Variants in PLGRKT observed in about 807,000 individuals in gnomAD.
The protein encoded by PLGRKT is plasminogen receptor (KT).
A neutral mutation model predicts 18.5 loss-of-function variants in PLGRKT; 22 were observed. The ratio of observed to expected loss-of-function variants is 1.19; its 90% CI spans 0.85 to 1.70. PLGRKT has a LOEUF of 1.70. Among genes scored for constraint, PLGRKT ranks in the 40% most tolerant of loss-of-function variants. The pLI, the probability that PLGRKT is intolerant of heterozygous loss-of-function variation, is 0.00. For synonymous variants in PLGRKT, 72 were observed against 52.8 expected (o/e 1.36, Z -1.58); for missense variants, 235 against 174.4 (o/e 1.35, Z -1.96).
At chr9:5,414,375 G>C (rs959517829) in intron 3 of PLGRKT, among the ~76,000 whole-genome samples, 2 of 152,100 alleles carry the variant, frequency 1.3e-5, no homozygotes, top group Non-Finnish European at 2.9e-5. Flanking sequence ...ACCATGTTGG[G>C]CAGGCTGGTC....
intron 3 of PLGRKT, among the ~76,000 whole-genome samples, chr9:5,408,381 G>A (rs1818295776): frequency 2.0e-5 from 3 of 152,170 alleles, no homozygotes; most frequent in Admixed American, 6.5e-5. Flanking sequence ...AAAGAGCCTG[G>A]CTGCACTGTG....
chr9:5,425,770 A>T (rs775926546), intron 3 of PLGRKT, among the ~76,000 whole-genome samples: 1 of 152,194 alleles, frequency 6.6e-6, no homozygotes, highest in Non-Finnish European at 1.5e-5. Flanking sequence ...ATGGGGTTGA[A>T]TCATGAGTGG....
At chr9:5,431,840 G>T (rs1818832516) in intron 3 of PLGRKT, 57 bp downstream of exon 3, 6 of 818,090 alleles carry the variant, frequency 7.3e-6, no homozygotes, top group South Asian at 5.7e-5. Context: ...TGGAGTACAT[G>T]TGGTAGAAAC....
intron 3 of PLGRKT, among the ~76,000 whole-genome samples, chr9:5,404,898 GCTT>G (rs1818226590): frequency 6.6e-6 from 1 of 152,168 alleles, no homozygotes; most frequent in African/African-American, 2.4e-5. Flanking sequence ...CAGCCCAAAA[GCTT>G]CTTAAGTTGA....
At chr9:5,409,544 T>C (rs1259072727) in intron 3 of PLGRKT, among the ~76,000 whole-genome samples, 4 of 152,176 alleles carry the variant, frequency 2.6e-5, no homozygotes, top group African/African-American at 9.7e-5. Flanking sequence ...CCTTTATATA[T>C]ATACCCAGAG....
intron 3 of PLGRKT, among the ~76,000 whole-genome samples, chr9:5,396,568 T>A (rs796598444): frequency 2.0e-5 from 3 of 152,156 alleles, no homozygotes; most frequent in African/African-American, 7.2e-5. Context: ...GTGCTGGAAT[T>A]AAAGGCGTGA....
chr9:5,361,674 T>A (rs1019549991), intron 4 of PLGRKT, 84 bp downstream of exon 4: 3 of 1,356,572 alleles, frequency 2.2e-6, no homozygotes, highest in African/African-American at 1.5e-5. Flanking sequence ...CAAAGTCTTA[T>A]TCTGGCCAAC....
At chr9:5,363,330 C>T (rs933490131) in intron 3 of PLGRKT, among the ~76,000 whole-genome samples, 1 of 151,890 alleles carries the variant, frequency 6.6e-6, no homozygotes, top group Non-Finnish European at 1.5e-5. Context: ...CTCTCAGGTG[C>T]TACTGATCCT....
chr9:5,373,937 C>G (rs1316346702), intron 3 of PLGRKT, among the ~76,000 whole-genome samples: 1 of 152,168 alleles, frequency 6.6e-6, no homozygotes, highest in Non-Finnish European at 1.5e-5. Flanking sequence ...GGCATTGGAG[C>G]CTTTTCCAGA....
intron 1 of PLGRKT, among the ~76,000 whole-genome samples, chr9:5,436,971 G>A (rs1219455030): frequency 2.0e-5 from 3 of 151,528 alleles, no homozygotes; most frequent in African/African-American, 7.3e-5. Flanking sequence ...TTTCACCAGG[G>A]GTAAAAAAAA....
chr9:5,409,723 T>A (rs1380155560), intron 3 of PLGRKT, among the ~76,000 whole-genome samples: 1 of 152,200 alleles, frequency 6.6e-6, no homozygotes, highest in Non-Finnish European at 1.5e-5. Context: ...ATGTGGGACA[T>A]GAAGTCCAAG....
chr9:5,396,680 C>A (rs1818055900), intron 3 of PLGRKT, among the ~76,000 whole-genome samples: 1 of 151,910 alleles, frequency 6.6e-6, no homozygotes, highest in Non-Finnish European at 1.5e-5. Flanking sequence ...ATCCAGAAGG[C>A]ATTTAAAAAT....
At chr9:5,407,643 C>A (rs1021698553) in intron 3 of PLGRKT, among the ~76,000 whole-genome samples, 11 of 149,250 alleles carry the variant, frequency 7.4e-5, no homozygotes, top group African/African-American at 2.7e-4. Context: ...GTTGTTCTTA[C>A]AAATTTTTCA....
intron 3 of PLGRKT, among the ~76,000 whole-genome samples, chr9:5,430,006 T>C (rs1227567436): frequency 1.3e-5 from 2 of 152,116 alleles, no homozygotes; most frequent in Non-Finnish European, 2.9e-5. Flanking sequence ...GTAAAAGCAG[T>C]AGGCTCCCTA....
intron 3 of PLGRKT, among the ~76,000 whole-genome samples, chr9:5,368,938 C>T (rs931046768): frequency 6.6e-6 from 1 of 152,144 alleles, no homozygotes; most frequent in Non-Finnish European, 1.5e-5. Context: ...CTTCCTTATG[C>T]CTTACACAAA....
chr9:5,438,055 C>T (rs1373060781), upstream of PLGRKT, among the ~76,000 whole-genome samples: 1 of 152,204 alleles, frequency 6.6e-6, no homozygotes, highest in Non-Finnish European at 1.5e-5. Context: ...AAATTCAAAG[C>T]CGCGGCGACT....
intron 3 of PLGRKT, among the ~76,000 whole-genome samples, chr9:5,424,699 G>A (rs1178692214): frequency 1.6e-5 from 1 of 61,826 alleles, no homozygotes; most frequent in Non-Finnish European, 3.3e-5. Context: ...TATACACACA[G>A]GGGGGGGAGA....
rs137970744 is a variant in PLGRKT, at chr9:5,386,173, G to A, written c.82-24285C>T. Among the ~76,000 whole-genome samples, 599 of 151,966 alleles carry A rather than the reference G, an allele frequency of 3.9e-3. 4 individuals carry two copies. Among genetic ancestry groups the A allele is most frequent in the Non-Finnish European group, 3.8e-3 (257 of 68,006 alleles). ...CCCAGGAGTCATGTGTCTTCCACCA[G>A]CATCTGTGAAACTATGGCAGGCTGA... On this transcript the variant is annotated intron_variant, in intron 3 of 5. Coordinates refer to ENST00000223864, the MANE Select transcript of PLGRKT (RefSeq NM_018465.4).
chr9:5,381,309 G>C (rs1817740748), intron 3 of PLGRKT, among the ~76,000 whole-genome samples: 1 of 152,228 alleles, frequency 6.6e-6, no homozygotes, highest in Admixed American at 6.5e-5. Flanking sequence ...GCCAGGCCCA[G>C]TGCCCCACTG....
Sources: gnomAD v4.1 joint callset for allele counts (sites outside exome capture counted in the v4.1 genomes callset) on GRCh38, gnomAD v4.1.1 for gene constraint, MANE v1.5 for transcripts, NCBI Gene and HGNC (gene_info 2026-07-23, HGNC 2026-07-21) for gene names.